Variants in ABCG2 observed in about 807,000 individuals in gnomAD.
ABCG2 encodes broad substrate specificity ATP-binding cassette transporter ABCG2.
ABCG2 carries 80 observed loss-of-function variants against 73.5 expected under a neutral mutation model. That is an observed-to-expected ratio of 1.09 (90% CI 0.91 to 1.31). The LOEUF is 1.31. Among genes scored for constraint, ABCG2 ranks in the 50% most tolerant of loss-of-function variants. The pLI, the probability that ABCG2 is intolerant of heterozygous loss-of-function variation, is 0.00. For synonymous variants in ABCG2, 269 were observed against 282.4 expected, an observed-to-expected ratio of 0.95 and a Z score of 0.48; for missense variants, 796 against 786.2, an observed-to-expected ratio of 1.01 and a Z score of -0.15.
chr4:88,228,893 C>G (rs10084955), intron 1 of ABCG2, among the ~76,000 whole-genome samples: 2 of 110,868 alleles, frequency 1.8e-5, no homozygotes, highest in Admixed American at 8.7e-5. Context: ...CTGTAAAATG[C>G]ACCAATCAGC....
rs148363225 is a variant in ABCG2, at chr4:88,221,422, G to A, written c.-20+9572C>T. ...AATGTAGAAACGACTTTGGAACTGG[G>A]TAACAGGCAGAGACTGGAACAGTTT... is the stretch of plus-strand genomic sequence containing the variant. On this transcript the variant is annotated intron_variant, in intron 1 of 15. Coordinates refer to the ABCG2 transcript ENST00000515655. Among the ~76,000 whole-genome samples the A allele has an allele frequency of 2.5e-3, 388 of 152,306 alleles. 3 individuals are homozygous for A. The highest frequency in any genetic ancestry group is 6.8e-3 in the Middle Eastern group (2 of 294).
chr4:88,141,348 T>C (rs1284769370), intron 1 of ABCG2, among the ~76,000 whole-genome samples: 2 of 152,050 alleles, frequency 1.3e-5, no homozygotes, highest in East Asian at 3.9e-4. Flanking sequence ...CACACAAAAA[T>C]TGTACACACC....
chr4:88,099,391 T>TAAC lies in ABCG2; in HGVS notation c.1422_1424dup (p.Leu475dup). On this transcript the variant is annotated inframe_insertion, in exon 12 of 16. Coordinates refer to ENST00000237612, the MANE Select transcript of ABCG2 (RefSeq NM_004827.3). Reference sequence around the variant, plus strand: ...ACATCCTCATGGGTAATAAATCAGATAACAGTTTTCCAAGGAAATAAGATG... The same window carrying TAAC: ...ACATCCTCATGGGTAATAAATCAGATAACAACAGTTTTCCAAGGAAATAAGATG... The TAAC allele has an allele frequency of 6.2e-7, 1 of 1,612,364 alleles. No homozygotes were observed. The highest frequency in any genetic ancestry group is 8.5e-7 in the Non-Finnish European group (1 of 1,179,056).
At position 88,121,684 on chromosome 4, in the gene ABCG2, T is replaced by A. The variant is rs548343569; in HGVS notation, c.640A>T (p.Thr214Ser). The A allele has an allele frequency of 1.2e-6, 2 of 1,614,148 alleles. No individual in the cohort carries two copies. The highest frequency in any genetic ancestry group is 2.7e-5 in the African/African-American group (2 of 75,052). ...TTTGCTGTGCTTGAGTCTAAGCCAG[T>A]TGTAGGCTCATCCAAGAACAAGATG... ...PSILFLDEPT[T>S]GLDSSTANAV... The change falls in exon 6 of 16, where the codon ACT becomes TCT. Residue 214 changes from threonine to serine, a missense_variant. Physicochemically the swap from Thr to Ser is moderately conservative, Grantham distance 58 (BLOSUM62 1). Transcript: ENST00000237612.
At chr4:88,191,839 A>G (rs923786800) in intron 1 of ABCG2, among the ~76,000 whole-genome samples, 1 of 152,210 alleles carries the variant, frequency 6.6e-6, no homozygotes, top group African/African-American at 2.4e-5. Flanking sequence ...CATGCTAAGT[A>G]TAATAAAAGT....
intron 1 of ABCG2, among the ~76,000 whole-genome samples, chr4:88,148,420 G>C (rs1726199670): frequency 6.6e-6 from 1 of 152,110 alleles, no homozygotes; most frequent in Non-Finnish European, 1.5e-5. Flanking sequence ...TCAGAGGGGG[G>C]CAGTAACAAA....
intron 1 of ABCG2, among the ~76,000 whole-genome samples, chr4:88,148,016 A>C (rs2110067949): frequency 6.6e-6 from 1 of 152,330 alleles, no homozygotes; most frequent in African/African-American, 2.4e-5. Flanking sequence ...TGAGAGATTA[A>C]GACAGTTCCA....
chr4:88,109,178 T>C (rs1296900911), intron 9 of ABCG2, among the ~76,000 whole-genome samples: 3 of 151,892 alleles, frequency 2.0e-5, no homozygotes, highest in Admixed American at 2.0e-4. Flanking sequence ...TTTTGTACTT[T>C]TAGTAGACAC....
At chr4:88,218,068 G>A (rs973504412) in intron 1 of ABCG2, among the ~76,000 whole-genome samples, 10 of 151,416 alleles carry the variant, frequency 6.6e-5, no homozygotes, top group Admixed American at 2.0e-4. Flanking sequence ...TCTCTAGCAC[G>A]CTAGACATGT....
chr4:88,134,464 T>C (rs893028935), intron 2 of ABCG2, among the ~76,000 whole-genome samples: 11 of 152,204 alleles, frequency 7.2e-5, no homozygotes, highest in African/African-American at 2.7e-4. Flanking sequence ...CAGTGGACTC[T>C]TCCCTCTAAA....
At chr4:88,211,023 CCTGTGACTG>C in intron 1 of ABCG2, among the ~76,000 whole-genome samples, 2 of 151,804 alleles carry the variant, frequency 1.3e-5, no homozygotes, top group East Asian at 3.9e-4. Context: ...GCTGTAGTGC[CCTGTGACTG>C]CACCAGGGAT....
At chr4:88,128,930 T>G (rs569875503) in intron 5 of ABCG2, among the ~76,000 whole-genome samples, 1 of 152,208 alleles carries the variant, frequency 6.6e-6, no homozygotes, top group South Asian at 2.1e-4. Flanking sequence ...TAAAATTTTT[T>G]AAAAAAAGCA....
intron 1 of ABCG2, among the ~76,000 whole-genome samples, chr4:88,203,965 C>T (rs767547854): frequency 6.6e-6 from 1 of 152,056 alleles, no homozygotes; most frequent in Non-Finnish European, 1.5e-5. Flanking sequence ...AAAGGTATGC[C>T]AGCTCCAAAC....
chr4:88,180,425 A>G (rs1333181496), intron 1 of ABCG2, among the ~76,000 whole-genome samples: 1 of 152,208 alleles, frequency 6.6e-6, no homozygotes, highest in East Asian at 1.9e-4. Context: ...TGATAAAGGG[A>G]GTACTGCAAT....
intron 15 of ABCG2, among the ~76,000 whole-genome samples, chr4:88,093,320 T>C (rs753378431): frequency 6.6e-6 from 1 of 151,868 alleles, no homozygotes; most frequent in Non-Finnish European, 1.5e-5. Context: ...CTGGCTAACA[T>C]GGTGAAACTC....
At chr4:88,175,954 A>G (rs1727948166) in intron 1 of ABCG2, among the ~76,000 whole-genome samples, 2 of 152,202 alleles carry the variant, frequency 1.3e-5, no homozygotes, top group African/African-American at 2.4e-5. Flanking sequence ...GATACTACAG[A>G]CATTTGCTAT....
intron 1 of ABCG2, among the ~76,000 whole-genome samples, chr4:88,174,246 G>T (rs28366540): frequency 0.58 from 87,568 of 151,370 alleles, 26,009 homozygotes; most frequent in African/African-American, 0.7. Flanking sequence ...GGTGGTTTGC[G>T]GTTCCTATCA....
intron 1 of ABCG2, among the ~76,000 whole-genome samples, chr4:88,217,301 G>A (rs1729850834): frequency 1.3e-5 from 2 of 152,150 alleles, no homozygotes; most frequent in African/African-American, 4.8e-5. Context: ...ACCCTGCAAG[G>A]TTGGGATGTT....
In ABCG2 at chr4:88,101,338, C is replaced by A. The variant is rs1048673545; in HGVS notation, c.1278-19G>T. On this transcript the variant is annotated intron_variant, in intron 10 of 15. Coordinates refer to ENST00000237612, the MANE Select transcript of ABCG2 (RefSeq NM_004827.3). ...CCCAGCTCTGCCATGAAAAGGGGAA[C>A]CAAATCACCGCAGTCAACTCAGCAT... is the stretch of plus-strand genomic sequence containing the variant. 4 of 1,605,086 alleles carry A rather than the reference C, an allele frequency of 2.5e-6. No individual in the cohort carries two copies. The African/African-American group carries it at 4.0e-5, about 16-fold the overall frequency.
Sources: gnomAD v4.1 joint callset for allele counts (sites outside exome capture counted in the v4.1 genomes callset) on GRCh38, gnomAD v4.1.1 for gene constraint, MANE v1.5 for transcripts, NCBI Gene and HGNC (gene_info 2026-07-23, HGNC 2026-07-21) for gene names.